ZNF124: variants seen among roughly 807,000 people sequenced by gnomAD.
ZNF124 encodes zinc finger protein HZF-16.
ZNF124 carries 25 observed loss-of-function variants against 26.6 expected under a neutral mutation model. The observed-to-expected ratio is 0.94, with a 90% CI of 0.68 to 1.31. The LOEUF is 1.31. Among genes scored for constraint, ZNF124 ranks in the 40% most tolerant of loss-of-function variants. The pLI is 0.00. For missense variants in ZNF124, 444 were observed against 422.2 expected, an observed-to-expected ratio of 1.05 and a Z score of -0.45; for synonymous variants, 129 against 133.3, an observed-to-expected ratio of 0.97 and a Z score of 0.22.
chr1:247,130,743 A>T (rs1320958672), intron 3 of ZNF124, among the ~76,000 whole-genome samples: 1 of 152,192 alleles, frequency 6.6e-6, no homozygotes, highest in Non-Finnish European at 1.5e-5. Context: ...AGTTTGAGTG[A>T]TTTTGCTGGA....
chr1:247,162,842 G>C (rs993295493), intron 1 of ZNF124, among the ~76,000 whole-genome samples: 1 of 152,046 alleles, frequency 6.6e-6, no homozygotes, highest in African/African-American at 2.4e-5. Flanking sequence ...TTAACAGTGG[G>C]AGGCTTCAAT....
At position 247,156,021 on chromosome 1, in the gene ZNF124, C is replaced by A. The variant is rs1673111076; in HGVS notation, c.*545G>T. ...ATAGTGAATTTTCTTGAGAATTGTA[C>A]TATAATTATTTTCCATAAGGTTTTC... On this transcript the variant is annotated 3_prime_UTR_variant, in exon 4 of 4. Transcript: ENST00000543802. 4 of 956,168 alleles carry A rather than the reference C, an allele frequency of 4.2e-6. No individual in the cohort carries two copies. Among genetic ancestry groups the A allele is most frequent in the Non-Finnish European group, 5.0e-6 (4 of 803,658 alleles). 59.2% of individuals were successfully genotyped at this position (956,168 alleles called of 1,614,324 possible). A position where few individuals can be genotyped will look rare whatever the true frequency, so the allele number is the denominator to read the frequency against.
At chr1:247,154,109 A>G (rs1267895688), downstream of ZNF124, among the ~76,000 whole-genome samples, 1 of 118,084 alleles carries the variant, frequency 8.5e-6, no homozygotes, top group Non-Finnish European at 1.6e-5. Context: ...TTGTACACGC[A>G]TATGTGTGAC....
chr1:247,157,589 T>C, intron 3 of ZNF124, 186 bp from the exon 4 acceptor site: 1 of 625,658 alleles, frequency 1.6e-6, no homozygotes, highest in Non-Finnish European at 2.9e-6. Context: ...ACCCCATCAT[T>C]AATGGTTTAT....
At chr1:247,153,295 G>A (rs1216693753), downstream of ZNF124, among the ~76,000 whole-genome samples, 92 of 152,122 alleles carry the variant, frequency 6.0e-4, no homozygotes, top group Non-Finnish European at 2.9e-4. Flanking sequence ...GTTGTGATGA[G>A]CAGCCATGTA....
downstream of ZNF124, among the ~76,000 whole-genome samples, chr1:247,152,039 G>A (rs1286333403): frequency 7.0e-6 from 1 of 143,680 alleles, no homozygotes; most frequent in Non-Finnish European, 1.5e-5. Flanking sequence ...GGCTAAAAAT[G>A]TTCCCCACCC....
intron 3 of ZNF124, among the ~76,000 whole-genome samples, chr1:247,136,471 A>G (rs1672486015): frequency 6.6e-6 from 1 of 152,204 alleles, no homozygotes; most frequent in Non-Finnish European, 1.5e-5. Flanking sequence ...GAGAACTACA[A>G]ACCACTGCTC....
intron 3 of ZNF124, among the ~76,000 whole-genome samples, chr1:247,145,470 C>T (rs997613696): frequency 6.6e-6 from 1 of 152,046 alleles, no homozygotes; most frequent in African/African-American, 2.4e-5. Flanking sequence ...CTATTGAGAA[C>T]GGTCGGGGGC....
chr1:247,125,083 A>T (rs1223742151), intron 3 of ZNF124, among the ~76,000 whole-genome samples: 4 of 152,038 alleles, frequency 2.6e-5, no homozygotes. Context: ...GATTACAGGC[A>T]TGAGCCACAG....
At chr1:247,127,591 T>C (rs4925592) in intron 3 of ZNF124, among the ~76,000 whole-genome samples, 44,597 of 134,362 alleles carry the variant, frequency 0.33, 4,601 homozygotes, top group African/African-American at 0.41. Context: ...AGATTGACCC[T>C]TGACCTGACC....
chr1:247,155,452 T>C lies in ZNF124; in HGVS notation c.*1114A>G, dbSNP rs1371300128. Among the ~76,000 whole-genome samples the C allele has an allele frequency of 6.6e-6, 1 of 152,130 alleles. No homozygotes were observed. The highest frequency in any genetic ancestry group is 1.5e-5 in the Non-Finnish European group (1 of 68,010). ...AAAAAGGAAAAGAAATACATTTCAA[T>C]TTACCCATATAACCAACACACTTTA... On this transcript the variant is annotated 3_prime_UTR_variant, in exon 4 of 4. Coordinates refer to ENST00000543802, the MANE Select transcript of ZNF124 (RefSeq NM_001297568.2).
chr1:247,170,622 A>C (rs1674054699), intron 1 of ZNF124, among the ~76,000 whole-genome samples: 1 of 143,832 alleles, frequency 7.0e-6, no homozygotes, highest in East Asian at 2.0e-4. Flanking sequence ...GGCAAGACTC[A>C]CGTCTCCAAA....
rs1311433240 is a variant in ZNF124 at position 247,155,499 on chromosome 1, T to G, written c.*1067A>C. On this transcript the variant is annotated 3_prime_UTR_variant, in exon 4 of 4. Transcript: ENST00000543802. ...TTTAAAATGGGTAGAAAAAGGAAAT[T>G]TATTTACCAGCTTAAAAAAGAAGAA... Among the ~76,000 whole-genome samples the G allele has an allele frequency of 1.3e-5, 2 of 152,150 alleles. No individual in the cohort carries two copies. The highest frequency in any genetic ancestry group is 2.9e-5 in the Non-Finnish European group (2 of 68,022).
At chr1:247,125,887 A>G (rs1672206339) in intron 3 of ZNF124, among the ~76,000 whole-genome samples, 1 of 152,246 alleles carries the variant, frequency 6.6e-6, no homozygotes, top group Admixed American at 6.5e-5. Flanking sequence ...TAATCCAGAT[A>G]AAAGTAAGGA....
chr1:247,146,419 A>C (rs780273941), intron 3 of ZNF124, among the ~76,000 whole-genome samples: 1 of 152,226 alleles, frequency 6.6e-6, no homozygotes, highest in Non-Finnish European at 1.5e-5. Flanking sequence ...ATTGGAATAC[A>C]AAGCTAGGCA....
At chr1:247,164,143 T>C (rs571047785) in intron 1 of ZNF124, among the ~76,000 whole-genome samples, 8 of 152,282 alleles carry the variant, frequency 5.3e-5, no homozygotes, top group African/African-American at 1.4e-4. Context: ...AGAAACATAC[T>C]TCAAAATAAT....
chr1:247,133,814 C>T lies in ZNF124; in HGVS notation c.219-9943G>A, dbSNP rs549216577. On this transcript the variant is annotated intron_variant, in intron 3 of 3. Coordinates refer to the ZNF124 transcript ENST00000472531. ...GATTACAGGCATGCACCACCATGCC[C>T]GGCAAGTTTTTTGTGTTTAGTAGAG... is the stretch of plus-strand genomic sequence containing the variant. 1.2e-4 allele frequency among the ~76,000 whole-genome samples: 18 copies of T among 152,002 alleles called. No individual in the cohort carries two copies. The South Asian group carries it at 2.5e-3, about 21-fold the overall frequency.
Position 247,157,218 on chromosome 1 carries a change from C to T in ZNF124, c.404G>A (p.Ser135Asn), listed in dbSNP as rs1354389244. The stretch of plus-strand genomic sequence containing the variant: ...ATTTCTCTGATGTATCTGAAATGAA[C>T]TGGGAATATTAAAAACTTTCTCACA... ...TICEKVFNIPSSFQIHQRNHT... is the reference protein window; with the variant it reads ...TICEKVFNIPNSFQIHQRNHT... Residue 135 changes from serine (S) to asparagine (N), a missense_variant, in exon 4 of 4, where the codon AGT (serine) becomes AAT (asparagine). By Grantham distance (46) the Ser-to-Asn change is conservative (BLOSUM62 1). Transcript: ENST00000543802. 1 of 1,613,970 alleles carries T rather than the reference C, an allele frequency of 6.2e-7. No individual in the cohort carries two copies. The highest frequency in any genetic ancestry group is 8.5e-7 in the Non-Finnish European group (1 of 1,179,952).
downstream of ZNF124, among the ~76,000 whole-genome samples, chr1:247,151,444 A>G (rs1672939252): frequency 6.8e-6 from 1 of 148,132 alleles, no homozygotes; most frequent in Admixed American, 6.9e-5. Context: ...GCGCCACTGC[A>G]CTCCAGCCTG....
Sources: allele counts gnomAD v4.1 joint callset (sites outside exome capture counted in the v4.1 genomes callset), GRCh38; gene constraint gnomAD v4.1.1; transcripts MANE v1.5; gene names NCBI Gene and HGNC (gene_info 2026-07-23, HGNC 2026-07-21).